RALYL: variants seen among roughly 807,000 people sequenced by gnomAD.
RALYL encodes RALY RNA binding protein like, also known as RNA-binding Raly-like protein.
Under a neutral mutation model 35.1 loss-of-function variants are expected in RALYL, and 29 were observed. The observed-to-expected ratio is 0.83, with a 90% confidence interval of 0.61 to 1.13. The LOEUF is 1.13. Among genes scored for constraint, RALYL ranks in the 50% most tolerant of loss-of-function variants. RALYL has a pLI of 0.00. For synonymous variants in RALYL, 120 were observed against 127.6 expected (o/e 0.94, Z 0.40); for missense variants, 359 against 360.4 (o/e 1.00, Z 0.03).
chr8:84,416,546 C>T (rs566832908), intron 1 of RALYL, among the ~76,000 whole-genome samples: 1 of 152,082 alleles, frequency 6.6e-6, no homozygotes, highest in East Asian at 1.9e-4. Context: ...TGGAAAGTGA[C>T]ATTTTTACAA....
intron 8 of RALYL, among the ~76,000 whole-genome samples, chr8:84,898,230 T>C (rs1845084003): frequency 6.6e-6 from 1 of 152,176 alleles, no homozygotes; most frequent in Non-Finnish European, 1.5e-5. Context: ...GATCAGAAAC[T>C]CTGGGGCGGA....
chr8:84,459,333 G>A (rs1366947972), intron 1 of RALYL, among the ~76,000 whole-genome samples: 2 of 151,664 alleles, frequency 1.3e-5, no homozygotes, highest in South Asian at 2.1e-4. Flanking sequence ...ATAACAAGGC[G>A]AATAGGAAAT....
At position 84,351,682 on chromosome 8, in the gene RALYL, T is replaced by C. The variant is rs1274175845; in HGVS notation, c.-24+167258T>C. Among the ~76,000 whole-genome samples, 4 of 150,148 alleles carry C rather than the reference T, an allele frequency of 2.7e-5. No homozygotes were observed. The South Asian group carries it at 8.3e-4, about 31-fold the overall frequency. Reference sequence around the variant, plus strand: ...TTGTCCTTGTTAGGTCTCTTAAGACTACCTTGTTTTTTATTTTTATTTGTT... The same window carrying C: ...TTGTCCTTGTTAGGTCTCTTAAGACCACCTTGTTTTTTATTTTTATTTGTT... On this transcript the variant is annotated intron_variant, in intron 1 of 8. Transcript: ENST00000521268.
At chr8:84,470,498 C>T (rs13256410) in intron 1 of RALYL, among the ~76,000 whole-genome samples, 52,740 of 151,062 alleles carry the variant, frequency 0.35, 9,541 homozygotes, top group South Asian at 0.52. Context: ...CAAAAAAAGC[C>T]TTTTTGAGCT....
chr8:84,267,570 G>C (rs1586656947), intron 1 of RALYL, among the ~76,000 whole-genome samples: 1 of 152,048 alleles, frequency 6.6e-6, no homozygotes, highest in Non-Finnish European at 1.5e-5. Flanking sequence ...AGTCAAGCAC[G>C]CTTCTGCCTA....
chr8:84,730,133 C>T (rs998532041), intron 2 of RALYL, among the ~76,000 whole-genome samples: 1 of 152,096 alleles, frequency 6.6e-6, no homozygotes, highest in Non-Finnish European at 1.5e-5. Flanking sequence ...CAAAAATCCT[C>T]AATAAAATAC....
intron 2 of RALYL, among the ~76,000 whole-genome samples, chr8:84,691,325 A>G (rs1838004399): frequency 6.6e-6 from 1 of 152,082 alleles, no homozygotes; most frequent in Non-Finnish European, 1.5e-5. Context: ...CTTTGTCCAC[A>G]GATCACTCTT....
intron 8 of RALYL, among the ~76,000 whole-genome samples, chr8:84,891,641 T>A (rs570342448): frequency 1.1e-4 from 17 of 152,184 alleles, no homozygotes; most frequent in African/African-American, 2.4e-5. Context: ...CTCTATTATA[T>A]CATTTTGTTT....
At chr8:84,197,580 C>A (rs1326867335) in intron 1 of RALYL, among the ~76,000 whole-genome samples, 3 of 152,084 alleles carry the variant, frequency 2.0e-5, no homozygotes, top group Admixed American at 1.3e-4. Context: ...TATTTTTCTA[C>A]TTCCCCTTGA....
chr8:84,422,221 T>A (rs1219479507), intron 1 of RALYL, among the ~76,000 whole-genome samples: 2 of 122,956 alleles, frequency 1.6e-5, no homozygotes, highest in African/African-American at 6.8e-5. Context: ...TGCCACAATT[T>A]CAGCTCCTGT....
intron 3 of RALYL, among the ~76,000 whole-genome samples, chr8:84,787,854 C>A (rs756016752): frequency 2.6e-5 from 4 of 152,140 alleles, no homozygotes; most frequent in Admixed American, 6.5e-5. Flanking sequence ...CCTTTGCCCA[C>A]TTTTTGATGG....
At chr8:84,328,254 T>G (rs578143301) in intron 1 of RALYL, among the ~76,000 whole-genome samples, 1 of 152,352 alleles carries the variant, frequency 6.6e-6, no homozygotes, top group Non-Finnish European at 1.5e-5. Context: ...CCCAGAAATT[T>G]GTCAGTTTTA....
intron 1 of RALYL, among the ~76,000 whole-genome samples, chr8:84,508,673 AAAG>A: frequency 6.6e-6 from 1 of 152,116 alleles, no homozygotes; most frequent in Middle Eastern, 3.4e-3. Context: ...TTTTTTAAAA[AAAG>A]ATGAATTTTT....
In RALYL at chr8:84,340,743, A is replaced by G. The variant is rs1009694893; in HGVS notation, c.-24+156319A>G. 1.8e-4 allele frequency among the ~76,000 whole-genome samples: 27 copies of G among 152,174 alleles called. 2 individuals carry two copies. The highest frequency in any genetic ancestry group is 1.6e-3 in the Admixed American group (25 of 15,250). ...CAGTGGGTAGTTAAGGTGTTTCCATATCTTGGCTGTTTTAAATGATGCTGC... is the reference window on the plus strand; with the variant it reads ...CAGTGGGTAGTTAAGGTGTTTCCATGTCTTGGCTGTTTTAAATGATGCTGC... On this transcript the variant is annotated intron_variant, in intron 1 of 8. Transcript: ENST00000521268.
chr8:84,229,273 A>G (rs1411930570), intron 1 of RALYL, among the ~76,000 whole-genome samples: 1 of 152,222 alleles, frequency 6.6e-6, no homozygotes, highest in Non-Finnish European at 1.5e-5. Flanking sequence ...GAGTCATAAC[A>G]GATGCATACA....
intron 1 of RALYL, among the ~76,000 whole-genome samples, chr8:84,202,366 G>GA (rs201691650): frequency 1.4e-3 from 202 of 141,512 alleles, no homozygotes; most frequent in African/African-American, 5.3e-3. Context: ...CTATTGAAGG[G>GA]ATTTTTTTTT....
intron 1 of RALYL, among the ~76,000 whole-genome samples, chr8:84,371,297 G>A (rs1855629411): frequency 2.0e-5 from 3 of 151,882 alleles, no homozygotes; most frequent in Admixed American, 6.6e-5. Context: ...AGCAATATCC[G>A]AGGAAGATTT....
At chr8:84,658,430 T>A (rs1238555669) in intron 2 of RALYL, among the ~76,000 whole-genome samples, 3 of 152,188 alleles carry the variant, frequency 2.0e-5, no homozygotes, top group Non-Finnish European at 4.4e-5. Context: ...AGTTGATACA[T>A]CTTTTTAAAT....
intron 1 of RALYL, among the ~76,000 whole-genome samples, chr8:84,407,037 C>T (rs866037499): frequency 1.0e-4 from 15 of 143,756 alleles, no homozygotes; most frequent in African/African-American, 2.2e-4. Context: ...TATATATATA[C>T]ACACACACAC....
Sources: allele counts gnomAD v4.1 joint callset (sites outside exome capture counted in the v4.1 genomes callset), GRCh38; gene constraint gnomAD v4.1.1; transcripts MANE v1.5; gene names NCBI Gene and HGNC (gene_info 2026-07-23, HGNC 2026-07-21).